MTA3: variants seen among roughly 807,000 people sequenced by gnomAD.
The protein encoded by MTA3 is metastasis-associated protein MTA3.
MTA3 carries 34 observed loss-of-function variants against 83.5 expected under a neutral mutation model. The ratio of observed to expected loss-of-function variants is 0.41; its 90% CI spans 0.31 to 0.54. The LOEUF is 0.54. Among genes scored for constraint, MTA3 ranks in the 20% least tolerant of loss-of-function variants. The pLI, the probability that MTA3 is intolerant of heterozygous loss-of-function variation, is 0.33. For synonymous variants in MTA3, 303 were observed against 252.7 expected, an observed-to-expected ratio of 1.20 and a Z score of -1.89; for missense variants, 761 against 726.4, an observed-to-expected ratio of 1.05 and a Z score of -0.55.
intron 6 of MTA3, among the ~76,000 whole-genome samples, chr2:42,646,455 C>T (rs545890466): frequency 2.0e-4 from 30 of 152,328 alleles, no homozygotes; most frequent in Admixed American, 7.2e-4. Flanking sequence ...ATTCTCCGTT[C>T]TAGATGCCAG....
intron 2 of MTA3, among the ~76,000 whole-genome samples, chr2:42,498,454 A>G (rs1256062599): frequency 6.6e-6 from 1 of 152,224 alleles, no homozygotes; most frequent in Non-Finnish European, 1.5e-5. Flanking sequence ...CTCTCTTCAA[A>G]GAGGGAAATA....
intron 2 of MTA3, among the ~76,000 whole-genome samples, chr2:42,545,961 T>TAA: frequency 6.6e-6 from 1 of 152,142 alleles, no homozygotes; most frequent in African/African-American, 2.4e-5. Flanking sequence ...CCAGAAAGAT[T>TAA]TCAAGAAATG....
rs149946272 is a variant in MTA3 at position 42,507,119 on chromosome 2, C to T, written c.-141+11865C>T. Among the ~76,000 whole-genome samples, 437 of 152,092 alleles carry T rather than the reference C, an allele frequency of 2.9e-3. 2 individuals carry two copies. The highest frequency in any genetic ancestry group is 0.01 in the African/African-American group (419 of 41,492). Reference sequence around the variant, plus strand: ...TCTCACTGTGTTTCTGAGGTTGGTTCCCAGCTCCTGGGCTCAAGCAATCTT... The same window carrying T: ...TCTCACTGTGTTTCTGAGGTTGGTTTCCAGCTCCTGGGCTCAAGCAATCTT... On this transcript the variant is annotated intron_variant, in intron 2 of 17. Transcript: ENST00000405592.
Position 42,544,284 on chromosome 2 carries a change from A to G in MTA3, c.-140-26153A>G, listed in dbSNP as rs540288673. On this transcript the variant is annotated intron_variant, in intron 2 of 17. Coordinates refer to the MTA3 transcript ENST00000405592. ...AACACAGTGAAACCTCGTCTCTACT[A>G]AAAATACAAAAATTAGCTAGGCATG... is the stretch of plus-strand genomic sequence containing the variant. Among the ~76,000 whole-genome samples the G allele has an allele frequency of 7.2e-5, 11 of 152,042 alleles. No homozygotes were observed. The East Asian group carries it at 2.1e-3, about 30-fold the overall frequency.
intron 2 of MTA3, chr2:42,511,610 G>C (rs1420582625): frequency 6.6e-6 from 1 of 152,290 alleles, no homozygotes; most frequent in African/African-American, 2.4e-5. Context: ...CAGCTACTTG[G>C]GAGGCTGAGG....
At chr2:42,594,683 C>T (rs1257201269) in intron 3 of MTA3, among the ~76,000 whole-genome samples, 7 of 102,344 alleles carry the variant, frequency 6.8e-5, no homozygotes, top group South Asian at 3.8e-4. Context: ...TATAAATATA[C>T]ATATATACAT....
At chr2:42,594,728 A>ATATATATATATATATTTTTTTTTTTTTTT in intron 3 of MTA3, among the ~76,000 whole-genome samples, 1 of 24,044 alleles carries the variant, frequency 4.2e-5, no homozygotes, top group Non-Finnish European at 6.5e-5. Flanking sequence ...ATATATATAT[A>ATATATATATATATATTTTTTTTTTTTTTT]TTTTTTTTTT....
chr2:42,737,983 TG>T lies in MTA3; in HGVS notation c.1759+14951del, dbSNP rs1325153643. Among the ~76,000 whole-genome samples, 3 of 152,320 alleles carry T rather than the reference TG, an allele frequency of 2.0e-5. No individual in the cohort carries two copies. The East Asian group carries it at 5.8e-4, about 29-fold the overall frequency. On this transcript the variant is annotated intron_variant, in intron 16 of 16. Transcript: ENST00000405094. ...CCAGTGCATATAAAGTTATGTTGGCTGGGAGTGATGGCACATATCTGTAATC... is the reference window on the plus strand; with the variant it reads ...CCAGTGCATATAAAGTTATGTTGGCTGGAGTGATGGCACATATCTGTAATC...
At chr2:42,636,540 TCAAAACAAAA>T (rs749095521) in intron 4 of MTA3, among the ~76,000 whole-genome samples, 18 of 150,092 alleles carry the variant, frequency 1.2e-4, no homozygotes, top group African/African-American at 2.9e-4. Flanking sequence ...AGACCCTTTC[TCAAAACAAAA>T]CAAAACAAAA....
intron 2 of MTA3, among the ~76,000 whole-genome samples, chr2:42,573,119 T>C (rs1011880933): frequency 6.6e-6 from 1 of 152,082 alleles, no homozygotes; most frequent in Non-Finnish European, 1.5e-5. Context: ...TTTCTAATGA[T>C]GCTTTGTTTT....
chr2:42,753,536 A>C lies in MTA3; in HGVS notation c.*137A>C. The C allele has an allele frequency of 6.7e-7, 1 of 1,490,196 alleles. No individual in the cohort carries two copies. The highest frequency in any genetic ancestry group is 9.0e-7 in the Non-Finnish European group (1 of 1,115,810). 92.3% of individuals were successfully genotyped at this position (1,490,196 alleles called of 1,614,324 possible). A position where few individuals can be genotyped will look rare whatever the true frequency, so the allele number is the denominator to read the frequency against. On this transcript the variant is annotated 3_prime_UTR_variant, in exon 17 of 17. Transcript: ENST00000405094. ...CTCTGCGTGCATCCATGGAGACGCA[A>C]TGGGGCGGGGAAGGAACTGTGGGAG... is the stretch of plus-strand genomic sequence containing the variant.
intron 9 of MTA3, among the ~76,000 whole-genome samples, chr2:42,693,074 AAC>A (rs1471387516): frequency 7.9e-6 from 1 of 126,670 alleles, no homozygotes; most frequent in African/African-American, 3.2e-5. Flanking sequence ...CTCTCAAAGA[AAC>A]AGTGTCTCTC....
intron 4 of MTA3, among the ~76,000 whole-genome samples, chr2:42,614,393 A>G (rs1000996817): frequency 1.3e-5 from 2 of 152,228 alleles, no homozygotes; most frequent in Admixed American, 1.3e-4. Context: ...CACTGCGCCC[A>G]GCCTGATAGA....
chr2:42,566,324 T>C (rs561721333), upstream of MTA3, among the ~76,000 whole-genome samples: 134 of 152,320 alleles, frequency 8.8e-4, no homozygotes, highest in Middle Eastern at 3.4e-3. Flanking sequence ...AATTAGGACA[T>C]ATAAAAGTTT....
chr2:42,732,878 C>T (rs911458890), intron 16 of MTA3, among the ~76,000 whole-genome samples: 1 of 152,210 alleles, frequency 6.6e-6, no homozygotes, highest in African/African-American at 2.4e-5. Flanking sequence ...TAACAAGAGT[C>T]ACCTTTGCTC....
intron 2 of MTA3, among the ~76,000 whole-genome samples, chr2:42,571,015 AAAAAAT>A (rs1678415191): frequency 6.6e-6 from 1 of 152,032 alleles, no homozygotes; most frequent in Non-Finnish European, 1.5e-5. Context: ...CCGTCTCAAA[AAAAAAT>A]AAAAATAAAA....
chr2:42,711,890 CTGTGATGCAATGTGAA>C (rs1666651898), intron 14 of MTA3, among the ~76,000 whole-genome samples: 1 of 151,826 alleles, frequency 6.6e-6, no homozygotes, highest in Admixed American at 6.6e-5. Context: ...TTAAGAATCG[CTGTGATGCAATGTGAA>C]TGTACTTTCA....
intron 9 of MTA3, among the ~76,000 whole-genome samples, chr2:42,693,598 T>A (rs887636750): frequency 3.3e-5 from 5 of 151,060 alleles, no homozygotes; most frequent in Admixed American, 2.6e-4. Context: ...CTCTTCATTT[T>A]AGTCAGCTGG....
chr2:42,745,449 C>G (rs1319240803), intron 16 of MTA3, among the ~76,000 whole-genome samples: 4 of 152,106 alleles, frequency 2.6e-5, no homozygotes, highest in Non-Finnish European at 5.9e-5. Context: ...CTGGACTGGC[C>G]CTCTGATTTT....
Sources: gnomAD v4.1 joint callset for allele counts (sites outside exome capture counted in the v4.1 genomes callset) on GRCh38, gnomAD v4.1.1 for gene constraint, MANE v1.5 for transcripts, NCBI Gene and HGNC (gene_info 2026-07-23, HGNC 2026-07-21) for gene names.